The following ITGAM variants were observed in gnomAD, a reference collection of about 807,000 sequenced individuals.
ITGAM encodes the protein integrin subunit alpha M, also known as integrin alpha-M.
In ITGAM, 79 loss-of-function variants were observed where a neutral mutation model predicts 137.5. The ratio of observed to expected loss-of-function variants is 0.57; its 90% CI spans 0.48 to 0.69. The LOEUF is 0.69. ITGAM is among the 30% of genes least tolerant of loss of function. The pLI is 0.00. For missense variants in ITGAM, 1,343 were observed against 1,483.5 expected, an observed-to-expected ratio of 0.91 and a Z score of 1.56; for synonymous variants, 583 against 592.3, an observed-to-expected ratio of 0.98 and a Z score of 0.23.
chr16:31,261,693 C>T lies in ITGAM; in HGVS notation c.30C>T (p.Ala10=). 1.2e-6 allele frequency: 2 copies of T among 1,607,168 alleles called. No homozygotes were observed. Among genetic ancestry groups the T allele is most frequent in the Non-Finnish European group, 1.7e-6 (2 of 1,175,870 alleles). Residue 10 remains alanine, a splice_region_variant and synonymous_variant, in exon 2 of 30, where the codon GCC becomes GCT. Transcript: ENST00000544665. MALRVLLLT[A]LTLCHGFNLD... is the part of the protein sequence containing the mutation. ...ATCCTTCCCCCATTCTCCCTTTAGC[C>T]TTGACCTTATGTCATGGGTTCAACT...
At chr16:31,302,257 A>G (rs1411664691) in intron 14 of ITGAM, among the ~76,000 whole-genome samples, 1 of 152,208 alleles carries the variant, frequency 6.6e-6, no homozygotes, top group African/African-American at 2.4e-5. Context: ...AGTGCCTTTC[A>G]GACATCCTCA....
intron 5 of ITGAM, among the ~76,000 whole-genome samples, chr16:31,270,137 GCTTTCCTTTCCTTTC>G (rs796696322): frequency 1.0e-4 from 9 of 88,386 alleles, no homozygotes; most frequent in Admixed American, 3.8e-4. Flanking sequence ...TTCCTCCTTT[GCTTTCCTTTCCTTTC>G]CTTTCCTTTC....
At chr16:31,276,640 T>G (rs188174663) in intron 9 of ITGAM, 31 bp from the exon 10 acceptor site, 1 of 1,555,562 alleles carries the variant, frequency 6.4e-7, no homozygotes, top group African/African-American at 1.4e-5. Context: ...CCTTCTGCTT[T>G]CTTTAATATA....
intron 12 of ITGAM, among the ~76,000 whole-genome samples, chr16:31,279,142 G>A (rs1050599261): frequency 3.3e-5 from 5 of 152,204 alleles, no homozygotes; most frequent in African/African-American, 1.2e-4. Flanking sequence ...TATCGTTGAT[G>A]GACATTTGGG....
Position 31,270,125 on chromosome 16 carries a change from C to G in ITGAM, c.428-829C>G, listed in dbSNP as rs1312316051. Among the ~76,000 whole-genome samples the G allele has an allele frequency of 2.7e-5, 3 of 113,042 alleles. No homozygotes were observed. In the South Asian group the frequency reaches 1.0e-3, roughly 38 times the overall value. 74.2% of individuals were successfully genotyped at this position (113,042 alleles called of 152,430 possible). A position where few individuals can be genotyped will look rare whatever the true frequency, so the allele number is the denominator to read the frequency against. On this transcript the variant is annotated intron_variant, in intron 5 of 29. Transcript: ENST00000544665. ...CAAATCCTTCCTTCCTTCCTTCCTT[C>G]CTTCCTCCTTTGCTTTCCTTTCCTT...
intron 14 of ITGAM, among the ~76,000 whole-genome samples, chr16:31,301,760 A>G (rs1300440226): frequency 2.0e-5 from 3 of 152,208 alleles, no homozygotes; most frequent in South Asian, 2.1e-4. Flanking sequence ...AAAAATATGG[A>G]TTTATAAAAG....
intron 25 of ITGAM, 75 bp downstream of exon 25, chr16:31,329,980 G>T: frequency 6.5e-7 from 1 of 1,532,500 alleles, no homozygotes; most frequent in Admixed American, 1.9e-5. Flanking sequence ...TTGGGTTTTA[G>T]AGCCGCTCCG....
intron 6 of ITGAM, 115 bp downstream of exon 6, chr16:31,271,199 C>A (rs568948845): frequency 2.2e-6 from 2 of 891,658 alleles, no homozygotes; most frequent in Non-Finnish European, 3.1e-6. Flanking sequence ...AATTGACGAT[C>A]GATTATGGTT....
chr16:31,328,561 AT>A (rs959966005), intron 23 of ITGAM, among the ~76,000 whole-genome samples: 8 of 119,850 alleles, frequency 6.7e-5, no homozygotes, highest in African/African-American at 2.6e-4. Context: ...GTGTGTGAGG[AT>A]CCTTGTGCAT....
intron 8 of ITGAM, among the ~76,000 whole-genome samples, chr16:31,274,747 TG>T (rs1241274939): frequency 6.6e-6 from 1 of 152,102 alleles, no homozygotes; most frequent in Non-Finnish European, 1.5e-5. Flanking sequence ...CCTGAGTAGC[TG>T]GGACTACAGG....
rs772762313 is a variant in ITGAM at position 31,321,373 on chromosome 16, T to A, written c.1838+2T>A. ...CCAGGGGCACGTGCTGCTGCTCAGG[T>A]GAGAATGCCTTTTGGAGTCAACCGG... On this transcript the variant is annotated splice_donor_variant, in intron 15 of 29. Transcript: ENST00000544665. LOFTEE classifies it high-confidence loss of function. 1 of 1,614,030 alleles carries A rather than the reference T, an allele frequency of 6.2e-7. No homozygotes were observed. The highest frequency in any genetic ancestry group is 1.7e-5 in the Admixed American group (1 of 60,008).
chr16:31,329,098 CATCT>C, intron 23 of ITGAM, 126 bp from the exon 24 acceptor site: 6 of 653,920 alleles, frequency 9.2e-6, no homozygotes, highest in Admixed American at 2.5e-5. Flanking sequence ...CACCCCACCC[CATCT>C]CCACCCCCCA....
intron 5 of ITGAM, among the ~76,000 whole-genome samples, chr16:31,267,964 G>A (rs1231270296): frequency 6.6e-6 from 1 of 152,034 alleles, no homozygotes; most frequent in African/African-American, 2.4e-5. Flanking sequence ...TGAATCACTT[G>A]TTTTCTCTCT....
intron 12 of ITGAM, among the ~76,000 whole-genome samples, chr16:31,290,757 A>G (rs1309282053): frequency 6.6e-6 from 1 of 151,584 alleles, no homozygotes; most frequent in Non-Finnish European, 1.5e-5. Flanking sequence ...GAAAAAGAAG[A>G]AAAAAAAATA....
At position 31,329,905 on chromosome 16, in the gene ITGAM, G is replaced by T; in HGVS notation, c.2976G>T (p.Glu992Asp). 6.4e-7 allele frequency: 1 copy of T among 1,558,502 alleles called. No homozygotes were observed. The highest frequency in any genetic ancestry group is 8.7e-7 in the Non-Finnish European group (1 of 1,150,902). Residue 992 changes from glutamate (E) to aspartate (D), a missense_variant and splice_region_variant, in exon 25 of 30, where the codon GAG becomes GAT. By Grantham distance (45) the Glu-to-Asp change is conservative. Coordinates refer to ENST00000544665, the MANE Select transcript of ITGAM (RefSeq NM_000632.4). ...IWDRPQVTFS[E>D]NLSSTCHTKE... ...ACCGCCCCCAGGTCACCTTCTCCGA[G>T]GTGAGCGGAGCTCGGCCTGACTCCT...
chr16:31,309,731 C>T (rs2144429745), intron 14 of ITGAM, among the ~76,000 whole-genome samples: 1 of 152,224 alleles, frequency 6.6e-6, no homozygotes, highest in African/African-American at 2.4e-5. Flanking sequence ...TTAGTTGATG[C>T]AGTTTCTTCT....
At chr16:31,329,073 T>TTCCCCCCCCCCCCCCCCCCC in intron 23 of ITGAM, 155 bp from the exon 24 acceptor site, 11 of 426,234 alleles carry the variant, frequency 2.6e-5, no homozygotes, top group Non-Finnish European at 4.5e-5. Context: ...ACACATTGGT[T>TTCCCCCCCCCCCCCCCCCCC]CCCCCATCCC....
intron 11 of ITGAM, among the ~76,000 whole-genome samples, chr16:31,277,404 G>A (rs2079920186): frequency 6.6e-6 from 1 of 151,310 alleles, no homozygotes; most frequent in South Asian, 2.1e-4. Context: ...TGTTGCCCAG[G>A]CTGGAGTGCA....
chr16:31,279,108 G>A (rs2079941235), intron 12 of ITGAM, among the ~76,000 whole-genome samples: 1 of 152,178 alleles, frequency 6.6e-6, no homozygotes, highest in African/African-American at 2.4e-5. Context: ...TGGTGTATAT[G>A]TGCCACATTT....
Sources: allele counts gnomAD v4.1 joint callset (sites outside exome capture counted in the v4.1 genomes callset), GRCh38; gene constraint gnomAD v4.1.1; transcripts MANE v1.5; gene names NCBI Gene and HGNC (gene_info 2026-07-23, HGNC 2026-07-21).